The following PYGL variants were observed in gnomAD, a reference collection of about 807,000 sequenced individuals.
PYGL encodes the protein glycogen phosphorylase, liver form.
PYGL carries 90 observed loss-of-function variants against 100.1 expected under a neutral mutation model. That is an observed-to-expected ratio of 0.90 (90% CI 0.76 to 1.07). The LOEUF is 1.07. PYGL is among the 50% of genes least tolerant of loss of function. PYGL has a pLI of 0.00. For synonymous variants in PYGL, 373 were observed against 393.0 expected (o/e 0.95, Z 0.60); for missense variants, 1,016 against 1,057.6 (o/e 0.96, Z 0.55).
In PYGL at chr14:50,916,285, A is replaced by C. The variant is rs1409359067; in HGVS notation, c.1093-314T>G. On this transcript the variant is annotated intron_variant, in intron 9 of 19. Coordinates refer to ENST00000216392, the MANE Select transcript of PYGL (RefSeq NM_002863.5). ...AAAAACGTAAATAGTGCTCTCAGCA[A>C]GTACAAAGTATGTAAAATGCTGACT... Among the ~76,000 whole-genome samples, 8 of 152,258 alleles carry C rather than the reference A, an allele frequency of 5.3e-5. No homozygotes were observed. The East Asian group carries it at 1.5e-3, about 29-fold the overall frequency.
chr14:50,942,959 T>C (rs757635110), intron 1 of PYGL, among the ~76,000 whole-genome samples: 1 of 152,246 alleles, frequency 6.6e-6, no homozygotes, highest in African/African-American at 2.4e-5. Context: ...GGCCTAGGTC[T>C]TTGGGGTGAA....
chr14:50,936,778 G>A (rs576123339), intron 2 of PYGL, among the ~76,000 whole-genome samples: 4 of 148,294 alleles, frequency 2.7e-5, no homozygotes, highest in African/African-American at 9.8e-5. Flanking sequence ...GTAACAGGAC[G>A]AGACTCCGTC....
intron 7 of PYGL, among the ~76,000 whole-genome samples, chr14:50,917,465 T>C (rs527668336): frequency 2.6e-5 from 4 of 152,142 alleles, no homozygotes; most frequent in Admixed American, 6.5e-5. Flanking sequence ...AGTGTGTACA[T>C]TGGAGCTCCC....
chr14:50,931,830 T>C (rs2050603796), intron 3 of PYGL, 54 bp from the exon 4 acceptor site: 2 of 1,446,162 alleles, frequency 1.4e-6, no homozygotes, highest in East Asian at 2.3e-5. Flanking sequence ...GAGCCAAAAT[T>C]TCCAGTCTTT....
rs376862301 is a variant in PYGL, at chr14:50,919,552, T to G, written c.855+989A>C. On this transcript the variant is annotated intron_variant, in intron 7 of 19. Coordinates refer to ENST00000216392, the MANE Select transcript of PYGL (RefSeq NM_002863.5). ...AATTTTATTGCTTCTGAGACCACTTTAAAAAAATCATTACAGCTTCATGAA... is the reference window on the plus strand; with the variant it reads ...AATTTTATTGCTTCTGAGACCACTTGAAAAAAATCATTACAGCTTCATGAA... 5.3e-5 allele frequency among the ~76,000 whole-genome samples: 8 copies of G among 152,252 alleles called. No individual in the cohort carries two copies. The South Asian group carries it at 8.3e-4, about 16-fold the overall frequency.
chr14:50,941,434 C>G (rs17123232), intron 1 of PYGL, among the ~76,000 whole-genome samples: 10,076 of 152,216 alleles, frequency 0.066, 518 homozygotes, highest in African/African-American at 0.14. Context: ...AAATGGGTAG[C>G]TAGAGCCTCA....
rs2050439461 is a variant in PYGL, at chr14:50,915,578, CA to C, written c.1240-80del. The C allele has an allele frequency of 1.9e-6, 3 of 1,568,352 alleles. No individual in the cohort carries two copies. In the Admixed American group the frequency reaches 5.1e-5, roughly 27 times the overall value. ...GGGATAACGCTGTTCATGTCTTAAG[CA>C]AAATCTTTGGTGTACTCAATATAAA... On this transcript the variant is annotated intron_variant, in intron 10 of 19. Transcript: ENST00000216392.
chr14:50,944,094 C>G, intron 1 of PYGL, 67 bp downstream of exon 1: 3 of 1,526,436 alleles, frequency 2.0e-6, no homozygotes, highest in Non-Finnish European at 2.6e-6. Context: ...CACCTCGTCC[C>G]GCCCGGCCGC....
At position 50,932,091 on chromosome 14, in the gene PYGL, C is replaced by T. The variant is rs543051593; in HGVS notation, c.425-315G>A. Among the ~76,000 whole-genome samples, 12 of 152,268 alleles carry T rather than the reference C, an allele frequency of 7.9e-5. No homozygotes were observed. The South Asian group carries it at 2.3e-3, about 29-fold the overall frequency. On this transcript the variant is annotated intron_variant, in intron 3 of 19. Transcript: ENST00000216392. Reference sequence around the variant, plus strand: ...GAACAGATAAGGAAGCCAACCTGCACCAGATAATGTCGATTATTGTCCCCA... The same window carrying T: ...GAACAGATAAGGAAGCCAACCTGCATCAGATAATGTCGATTATTGTCCCCA...
At position 50,931,025 on chromosome 14, in the gene PYGL, A is replaced by G. The variant is rs77523237; in HGVS notation, c.528+648T>C. Among the ~76,000 whole-genome samples, 305 of 152,312 alleles carry G rather than the reference A, an allele frequency of 2.0e-3. 1 individual carries two copies. The highest frequency in any genetic ancestry group is 7.1e-3 in the African/African-American group (295 of 41,588). On this transcript the variant is annotated intron_variant, in intron 4 of 19. Transcript: ENST00000216392. ...GTACAAATTTCTATGGGGCAGTGTA[A>G]TTATACATATTAAATGTGTGCCAGA...
At chr14:50,940,314 T>C (rs1252995969) in intron 1 of PYGL, among the ~76,000 whole-genome samples, 8 of 152,360 alleles carry the variant, frequency 5.3e-5, no homozygotes, top group African/African-American at 1.7e-4. Context: ...CTTGTTTATA[T>C]AGTATATATT....
At chr14:50,939,358 T>A (rs2050685078) in intron 1 of PYGL, among the ~76,000 whole-genome samples, 1 of 152,216 alleles carries the variant, frequency 6.6e-6, no homozygotes, top group Non-Finnish European at 1.5e-5. Context: ...TAGAATCAAA[T>A]TTTTCTATAA....
chr14:50,939,857 T>C (rs1389566201), intron 1 of PYGL, among the ~76,000 whole-genome samples: 2 of 152,244 alleles, frequency 1.3e-5, no homozygotes, highest in Non-Finnish European at 2.9e-5. Flanking sequence ...TAGTTACACA[T>C]AAATATTTAA....
chr14:50,916,723 C>A lies in PYGL; in HGVS notation c.1011G>T (p.Gln337His), dbSNP rs773766040. The A allele has an allele frequency of 1.2e-6, 2 of 1,613,974 alleles. No individual in the cohort carries two copies. Among genetic ancestry groups the A allele is most frequent in the Non-Finnish European group, 8.5e-7 (1 of 1,179,846 alleles). ...CGAGTGCAGGGTGAGTGTCATTCAGCTGGATGGCCACCTGGGTGGGGAAAG... is the reference window on the plus strand; with the variant it reads ...CGAGTGCAGGGTGAGTGTCATTCAGATGGATGGCCACCTGGGTGGGGAAAG... ...FDAFPDQVAIQLNDTHPALAI... is the reference protein window; with the variant it reads ...FDAFPDQVAIHLNDTHPALAI... Residue 337 changes from glutamine (Q) to histidine (H), a missense_variant, in exon 9 of 20, where the codon CAG (glutamine) becomes CAT (histidine). By Grantham distance (24) the Gln-to-His change is conservative (BLOSUM62 0). Transcript: ENST00000216392.
chr14:50,930,019 T>C (rs910624406), intron 4 of PYGL, among the ~76,000 whole-genome samples: 1 of 152,194 alleles, frequency 6.6e-6, no homozygotes, highest in African/African-American at 2.4e-5. Context: ...TTTTCCTTTA[T>C]CTTTCTGGCC....
chr14:50,943,123 G>C (rs746727526), intron 1 of PYGL, among the ~76,000 whole-genome samples: 1 of 151,900 alleles, frequency 6.6e-6, no homozygotes, highest in African/African-American at 2.4e-5. Flanking sequence ...TAATTAAAAA[G>C]TTCTAATAAA....
At chr14:50,938,045 C>T (rs950915976) in intron 1 of PYGL, among the ~76,000 whole-genome samples, 2 of 152,156 alleles carry the variant, frequency 1.3e-5, no homozygotes, top group Non-Finnish European at 2.9e-5. Flanking sequence ...CTGAGACCTA[C>T]TGGGCTGCAT....
intron 2 of PYGL, among the ~76,000 whole-genome samples, chr14:50,935,635 G>A (rs2139195402): frequency 6.6e-6 from 1 of 152,298 alleles, no homozygotes; most frequent in East Asian, 1.9e-4. Flanking sequence ...TGTGTGTACA[G>A]TAGGGTTAAA....
chr14:50,938,603 G>C (rs1488823729), intron 1 of PYGL, among the ~76,000 whole-genome samples: 1 of 152,190 alleles, frequency 6.6e-6, no homozygotes, highest in African/African-American at 2.4e-5. Flanking sequence ...CTTGGAGTCT[G>C]GGATGGTGAC....
Sources: gnomAD v4.1 joint callset for allele counts (sites outside exome capture counted in the v4.1 genomes callset) on GRCh38, gnomAD v4.1.1 for gene constraint, MANE v1.5 for transcripts, NCBI Gene and HGNC (gene_info 2026-07-23, HGNC 2026-07-21) for gene names.